JARID2: variants seen among roughly 807,000 people sequenced by gnomAD.
The protein encoded by JARID2 is jumonji and AT-rich interaction domain containing 2.
In JARID2, 21 loss-of-function variants were observed where a neutral mutation model predicts 125.6. The ratio of observed to expected loss-of-function variants is 0.17; its 90% confidence interval spans 0.12 to 0.24. JARID2 has a LOEUF of 0.24. Among genes scored for constraint, JARID2 ranks in the 10% least tolerant of loss-of-function variants. The pLI, the probability that JARID2 is intolerant of heterozygous loss-of-function variation, is 1.00. For synonymous variants in JARID2, 736 were observed against 661.6 expected (o/e 1.11, Z -1.73); for missense variants, 1,303 against 1,639.6 (o/e 0.79, Z 3.55).
chr6:15,339,565 C>T (rs1364412756), intron 1 of JARID2, among the ~76,000 whole-genome samples: 4 of 108,228 alleles, frequency 3.7e-5, no homozygotes, highest in African/African-American at 1.1e-4. Context: ...AAGAGAGTTT[C>T]GCTCTTGTTA....
chr6:15,486,945 G>A (rs965685578), intron 5 of JARID2, among the ~76,000 whole-genome samples: 5 of 151,238 alleles, frequency 3.3e-5, no homozygotes, highest in Admixed American at 2.0e-4. Flanking sequence ...AATTTATAAA[G>A]AAAAGAGGTT....
intron 4 of JARID2, among the ~76,000 whole-genome samples, chr6:15,458,489 C>T (rs1258304084): frequency 2.6e-5 from 4 of 152,154 alleles, no homozygotes; most frequent in Admixed American, 6.5e-5. Context: ...GAACTGCCTG[C>T]CTTTTGTTTC....
intron 1 of JARID2, among the ~76,000 whole-genome samples, chr6:15,275,530 CCCG>C (rs1760465484): frequency 3.7e-5 from 1 of 27,268 alleles, no homozygotes; most frequent in African/African-American, 1.0e-4. Flanking sequence ...TACCGCCCCC[CCCG>C]CCCCCCCCCC....
At chr6:15,379,340 ATAATGCCACTT>A (rs1764492291) in intron 2 of JARID2, among the ~76,000 whole-genome samples, 1 of 152,200 alleles carries the variant, frequency 6.6e-6, no homozygotes, top group Admixed American at 6.5e-5. Context: ...TTTGTTGTAG[ATAATGCCACTT>A]TTCATGGATG....
chr6:15,373,594 G>C (rs552719183), intron 1 of JARID2, among the ~76,000 whole-genome samples: 38 of 152,198 alleles, frequency 2.5e-4, no homozygotes, highest in Non-Finnish European at 5.4e-4. Context: ...GGCCAATGCG[G>C]ATCCAATTCC....
intron 3 of JARID2, among the ~76,000 whole-genome samples, chr6:15,427,355 A>T (rs964331295): frequency 5.3e-5 from 8 of 152,212 alleles, no homozygotes; most frequent in African/African-American, 1.9e-4. Context: ...CCTGGCAAAC[A>T]TACTAGCTTC....
In JARID2 at chr6:15,305,530, C is replaced by T. The variant is rs925827007; in HGVS notation, c.45+58946C>T. 5.9e-5 allele frequency among the ~76,000 whole-genome samples: 9 copies of T among 152,336 alleles called. No individual in the cohort carries two copies. In the South Asian group the frequency reaches 1.4e-3, roughly 25 times the overall value. On this transcript the variant is annotated intron_variant, in intron 1 of 17. Transcript: ENST00000341776. ...TTAAAATTGGTTTCATTCTTTAGTG[C>T]TGTTTCTTTCTCTTCTTGTTTGCAT...
Position 15,512,022 on chromosome 6 carries a change from A to T in JARID2, c.2953-186A>T, listed in dbSNP as rs184653429. Among the ~76,000 whole-genome samples the T allele has an allele frequency of 4.1e-4, 62 of 152,310 alleles. No individual in the cohort carries two copies. The East Asian group carries it at 0.011, about 27-fold the overall frequency. ...GTCCTCAGCTGTGCATGAACCTGTC[A>T]TCACTCTTGGACCAGTGCAGTTTAG... On this transcript the variant is annotated intron_variant, in intron 13 of 17. Transcript: ENST00000341776.
chr6:15,344,294 T>C (rs535012760), intron 1 of JARID2, among the ~76,000 whole-genome samples: 18 of 152,176 alleles, frequency 1.2e-4, no homozygotes, highest in Non-Finnish European at 2.1e-4. Context: ...CATTCTGTCA[T>C]GTTCCATGTA....
At chr6:15,433,931 TG>T (rs1767086768) in intron 3 of JARID2, among the ~76,000 whole-genome samples, 1 of 81,688 alleles carries the variant, frequency 1.2e-5, no homozygotes, top group East Asian at 2.6e-4. Context: ...GGTGTGTGTG[TG>T]TGTGTGTGTG....
intron 1 of JARID2, among the ~76,000 whole-genome samples, chr6:15,294,247 C>T (rs1036137607): frequency 6.6e-6 from 1 of 152,132 alleles, no homozygotes; most frequent in Non-Finnish European, 1.5e-5. Context: ...GGCTGGAGTG[C>T]AATGGTGTGA....
At chr6:15,317,555 A>G (rs1026899416) in intron 1 of JARID2, among the ~76,000 whole-genome samples, 3 of 151,952 alleles carry the variant, frequency 2.0e-5, no homozygotes, top group African/African-American at 7.3e-5. Flanking sequence ...GTTGAACTTC[A>G]TCCGTAAAGG....
intron 1 of JARID2, among the ~76,000 whole-genome samples, chr6:15,276,343 C>G (rs191765014): frequency 6.6e-6 from 1 of 152,288 alleles, no homozygotes; most frequent in Admixed American, 6.5e-5. Context: ...GCGTGGGAGA[C>G]ATGATGCTTG....
intron 1 of JARID2, among the ~76,000 whole-genome samples, chr6:15,348,644 C>T (rs1016181456): frequency 1.4e-4 from 22 of 152,148 alleles, no homozygotes; most frequent in African/African-American, 4.8e-4. Context: ...GAGAATTGCT[C>T]TTGCTTTCTT....
chr6:15,257,960 G>A (rs1759731096), intron 1 of JARID2, among the ~76,000 whole-genome samples: 2 of 152,198 alleles, frequency 1.3e-5, no homozygotes, highest in Non-Finnish European at 2.9e-5. Context: ...CAGAAGGGAA[G>A]GGAAAGGGAG....
At chr6:15,480,413 G>A (rs1769553794) in intron 5 of JARID2, among the ~76,000 whole-genome samples, 1 of 152,138 alleles carries the variant, frequency 6.6e-6, no homozygotes, top group Admixed American at 6.5e-5. Flanking sequence ...TGGATGCCAA[G>A]TAAGGACTCC....
At chr6:15,314,934 A>G (rs1762129841) in intron 1 of JARID2, 1 of 152,222 alleles carries the variant, frequency 6.6e-6, no homozygotes, top group South Asian at 2.1e-4. Context: ...TCCTTTCAGC[A>G]GCACATATAC....
At chr6:15,512,120 G>A (rs758399352) in intron 13 of JARID2, 88 bp from the exon 14 acceptor site, 1 of 1,060,004 alleles carries the variant, frequency 9.4e-7, no homozygotes, top group Non-Finnish European at 1.4e-6. Flanking sequence ...TTGAGAGCAG[G>A]CCTCTTAGGG....
At position 15,520,221 on chromosome 6, in the gene JARID2, T is replaced by A; in HGVS notation, c.3711T>A (p.Ser1237Arg). 6.2e-7 allele frequency: 1 copy of A among 1,612,644 alleles called. No individual in the cohort carries two copies. The highest frequency in any genetic ancestry group is 8.5e-7 in the Non-Finnish European group (1 of 1,179,436). Residue 1237 changes from serine (S) to arginine (R), a missense_variant, in exon 18 of 18, where the codon AGT becomes AGA. Coordinates refer to ENST00000341776, the MANE Select transcript of JARID2 (RefSeq NM_004973.4). The stretch of plus-strand genomic sequence containing the variant: ...CCCCCTCCCGTCTGTCAGCCTCCAG[T>A]TCATCCAAAAGTGCTTCGAGCTCAT... Reference protein sequence around the residue: ...DVPPSRLSASSSSKSASSSS With the variant: ...DVPPSRLSASRSSKSASSSS
Sources: gnomAD v4.1 joint callset for allele counts (sites outside exome capture counted in the v4.1 genomes callset) on GRCh38, gnomAD v4.1.1 for gene constraint, MANE v1.5 for transcripts, NCBI Gene and HGNC (gene_info 2026-07-23, HGNC 2026-07-21) for gene names.